TMEM170B: variants seen among roughly 807,000 people sequenced by gnomAD.
The protein encoded by TMEM170B is transmembrane protein 170B.
Under a neutral mutation model 13.0 loss-of-function variants are expected in TMEM170B, and 6 were observed. The ratio of observed to expected loss-of-function variants is 0.46; its 90% confidence interval spans 0.25 to 0.91. The LOEUF is 0.91. Among genes scored for constraint, TMEM170B ranks in the 40% least tolerant of loss-of-function variants. The probability of loss-of-function intolerance (pLI) is 0.17; values close to 1 mark genes in which losing one functional copy is unlikely to be tolerated. For synonymous variants in TMEM170B, 61 were observed against 64.9 expected, an observed-to-expected ratio of 0.94 and a Z score of 0.29; for missense variants, 138 against 165.2, an observed-to-expected ratio of 0.84 and a Z score of 0.90.
rs924214330 is a variant in TMEM170B at position 11,546,369 on chromosome 6, A to G, written c.97+7995A>G. On this transcript the variant is annotated intron_variant, in intron 1 of 2. Transcript: ENST00000379426. ...TTATTAGAAAATAGTTAAAAAGTTA[A>G]AACTTAAAAGTTTATAAAGTAAAAA... 2.1e-5 allele frequency among the ~76,000 whole-genome samples: 3 copies of G among 143,316 alleles called. No individual in the cohort carries two copies. The East Asian group carries it at 5.8e-4, about 28-fold the overall frequency. 94.0% of individuals were successfully genotyped at this position (143,316 alleles called of 152,430 possible).
At chr6:11,570,904 A>G (rs1472563703) in intron 2 of TMEM170B, among the ~76,000 whole-genome samples, 1 of 152,186 alleles carries the variant, frequency 6.6e-6, no homozygotes, top group Admixed American at 6.5e-5. Flanking sequence ...AATTTCATAT[A>G]ATTTTCATGT....
intron 1 of TMEM170B, 129 bp from the exon 2 acceptor site, chr6:11,565,537 C>A: frequency 1.2e-6 from 1 of 859,832 alleles, no homozygotes; most frequent in Admixed American, 2.1e-5. Context: ...TTGTGTCAGG[C>A]ACTGTGTGAA....
intron 2 of TMEM170B, among the ~76,000 whole-genome samples, chr6:11,566,041 C>A (rs1399379792): frequency 1.3e-5 from 2 of 152,070 alleles, no homozygotes; most frequent in African/African-American, 4.8e-5. Context: ...TGTGAAGAGT[C>A]CTTTTACAAG....
rs1759731353 is a variant in TMEM170B at position 11,566,227 on chromosome 6, T to G, written c.268+391T>G. ...AAGCAAAAGTATAGCCCTGAGGTCCTTAATGTCATCTGCCTGTGACTACAA... is the reference window on the plus strand; with the variant it reads ...AAGCAAAAGTATAGCCCTGAGGTCCGTAATGTCATCTGCCTGTGACTACAA... On this transcript the variant is annotated intron_variant, in intron 2 of 2. Coordinates refer to ENST00000379426, the MANE Select transcript of TMEM170B (RefSeq NM_001100829.3). Among the ~76,000 whole-genome samples, 5 of 152,340 alleles carry G rather than the reference T, an allele frequency of 3.3e-5. No individual in the cohort carries two copies. The South Asian group carries it at 1.0e-3, about 32-fold the overall frequency.
Position 11,579,464 on chromosome 6 carries a change from G to A in TMEM170B, c.*3903G>A, listed in dbSNP as rs1759922776. The A allele has an allele frequency of 6.6e-6, 1 of 152,146 alleles. No homozygotes were observed. Among genetic ancestry groups the A allele is most frequent in the African/African-American group, 2.4e-5 (1 of 41,440 alleles). The allele number at this position is 152,146 out of a possible 1,614,324, so 9.4% of individuals were successfully genotyped here. ...CTAGAATTTTTTTAAATTACATTTT[G>A]CAATTGCATTACCAATTGAATATGT... On this transcript the variant is annotated 3_prime_UTR_variant, in exon 3 of 3. Coordinates refer to ENST00000379426, the MANE Select transcript of TMEM170B (RefSeq NM_001100829.3).
In TMEM170B at chr6:11,560,157, TTTTTTTA is replaced by T. The variant is rs924423415; in HGVS notation, c.98-5488_98-5482del. ...CAGAGCATCTTCTCCTTTATTTTTA[TTTTTTTA>T]TTTTTTATTTTTTATTTTTTGAGAC... On this transcript the variant is annotated intron_variant, in intron 1 of 2. Transcript: ENST00000379426. 1.5e-3 allele frequency among the ~76,000 whole-genome samples: 224 copies of T among 151,732 alleles called. 1 individual carries two copies. Among genetic ancestry groups the T allele is most frequent in the Non-Finnish European group, 2.6e-3 (179 of 67,894 alleles).
chr6:11,562,819 T>TATTTAA (rs1759686221), intron 1 of TMEM170B, among the ~76,000 whole-genome samples: 1 of 152,190 alleles, frequency 6.6e-6, no homozygotes, highest in Middle Eastern at 3.2e-3. Flanking sequence ...TTGTATCACT[T>TATTTAA]ACATGTATAT....
chr6:11,539,867 G>A (rs1759336485), intron 1 of TMEM170B, among the ~76,000 whole-genome samples: 1 of 152,068 alleles, frequency 6.6e-6, no homozygotes, highest in South Asian at 2.1e-4. Context: ...GGCATACCTT[G>A]GAAAGATTGC....
intron 1 of TMEM170B, among the ~76,000 whole-genome samples, chr6:11,559,585 C>G (rs987899125): frequency 6.6e-6 from 1 of 152,136 alleles, no homozygotes; most frequent in Non-Finnish European, 1.5e-5. Context: ...TATATTTTGC[C>G]GACCCTTGAT....
At chr6:11,561,301 C>G (rs777570631) in intron 1 of TMEM170B, among the ~76,000 whole-genome samples, 4 of 152,138 alleles carry the variant, frequency 2.6e-5, no homozygotes, top group Non-Finnish European at 5.9e-5. Context: ...TACCCAATTG[C>G]TAGAAGCTTG....
At chr6:11,571,494 G>A (rs963672889) in intron 2 of TMEM170B, among the ~76,000 whole-genome samples, 2 of 152,076 alleles carry the variant, frequency 1.3e-5, no homozygotes, top group Non-Finnish European at 2.9e-5. Flanking sequence ...CTCACCTTCA[G>A]ATCATCTTGG....
intron 1 of TMEM170B, among the ~76,000 whole-genome samples, 155 bp from the exon 2 acceptor site, chr6:11,565,511 A>G (rs1293080619): frequency 6.6e-6 from 1 of 152,206 alleles, no homozygotes; most frequent in Admixed American, 6.5e-5. Context: ...AAAACTTATA[A>G]TGTATTCAGT....
intron 1 of TMEM170B, among the ~76,000 whole-genome samples, chr6:11,556,828 C>G (rs1320026715): frequency 2.0e-5 from 3 of 152,104 alleles, no homozygotes; most frequent in Non-Finnish European, 4.4e-5. Flanking sequence ...TGCTGCCCTC[C>G]CCTAATGGCT....
chr6:11,540,011 A>G (rs527712730), intron 1 of TMEM170B, among the ~76,000 whole-genome samples: 21 of 152,244 alleles, frequency 1.4e-4, no homozygotes, highest in Non-Finnish European at 2.4e-4. Flanking sequence ...ATTATGTCTG[A>G]AAAAAAAGTA....
chr6:11,559,518 A>G (rs1759633343), intron 1 of TMEM170B, among the ~76,000 whole-genome samples: 1 of 152,206 alleles, frequency 6.6e-6, no homozygotes, highest in South Asian at 2.1e-4. Context: ...CAAAATCTAA[A>G]AACCATTCAC....
rs1442789332 is a variant in TMEM170B, at chr6:11,545,280, C to CTCTCTGTGTGTGTGTGTGTGTG, written c.97+6907_97+6908insCTCTGTGTGTGTGTGTGTGTGT. 2.1e-3 allele frequency among the ~76,000 whole-genome samples: 291 copies of CTCTCTGTGTGTGTGTGTGTGTG among 139,792 alleles called. 1 individual carries two copies. The highest frequency in any genetic ancestry group is 7.4e-3 in the Middle Eastern group (2 of 270). 91.7% of individuals were successfully genotyped at this position (139,792 alleles called of 152,430 possible). ...TTAAAAGGCTTCTCTCTCTCTCTCT[C>CTCTCTGTGTGTGTGTGTGTGTG]TGTGTGTGTGTGTGTGTGTGTGTGT... On this transcript the variant is annotated intron_variant, in intron 1 of 2. Transcript: ENST00000379426.
chr6:11,569,443 C>T (rs536746805), intron 2 of TMEM170B, among the ~76,000 whole-genome samples: 2 of 152,188 alleles, frequency 1.3e-5, no homozygotes, highest in African/African-American at 4.8e-5. Context: ...GTATTAAGGT[C>T]TTTAATTCAC....
intron 2 of TMEM170B, among the ~76,000 whole-genome samples, chr6:11,574,067 T>G (rs142506875): frequency 1.1e-4 from 17 of 152,286 alleles, no homozygotes; most frequent in African/African-American, 3.8e-4. Flanking sequence ...TTGGGATTTA[T>G]AGCCAGACTA....
At chr6:11,538,602 C>G (rs1053996423) in intron 1 of TMEM170B, among the ~76,000 whole-genome samples, 1 of 152,206 alleles carries the variant, frequency 6.6e-6, no homozygotes, top group African/African-American at 2.4e-5. Context: ...TCAGCGACCC[C>G]CGCTCCTGCC....
Sources: allele counts gnomAD v4.1 joint callset (sites outside exome capture counted in the v4.1 genomes callset), GRCh38; gene constraint gnomAD v4.1.1; transcripts MANE v1.5; gene names NCBI Gene and HGNC (gene_info 2026-07-23, HGNC 2026-07-21).